The following CLPTM1 variants were observed in gnomAD, a reference collection of about 807,000 sequenced individuals.
CLPTM1 encodes putative lipid scramblase CLPTM1.
In CLPTM1, 21 loss-of-function variants were observed where a neutral mutation model predicts 77.3. That is an observed-to-expected ratio of 0.27 (90% CI 0.19 to 0.39). The LOEUF (loss-of-function observed/expected upper bound fraction) is 0.39. Among genes scored for constraint, CLPTM1 ranks in the 10% least tolerant of loss-of-function variants. CLPTM1 has a pLI of 1.00. For synonymous variants in CLPTM1, 373 were observed against 381.0 expected, an observed-to-expected ratio of 0.98 and a Z score of 0.24; for missense variants, 642 against 921.2, an observed-to-expected ratio of 0.70 and a Z score of 3.92.
intron 5 of CLPTM1, among the ~76,000 whole-genome samples, chr19:44,980,587 G>A (rs73558194): frequency 0.1 from 15,134 of 150,452 alleles, 1,331 homozygotes; most frequent in African/African-American, 0.24. Context: ...GAGCAGCTCC[G>A]TCCCATGGAG....
chr19:44,973,027 C>T (rs758318425), intron 2 of CLPTM1, 60 bp from the exon 3 acceptor site: 39 of 1,588,326 alleles, frequency 2.5e-5, no homozygotes, highest in Non-Finnish European at 3.0e-5. Flanking sequence ...GGAAGTCAGG[C>T]GGGTCTATGG....
At chr19:44,966,085 A>G (rs1334608291) in intron 2 of CLPTM1, among the ~76,000 whole-genome samples, 1 of 152,182 alleles carries the variant, frequency 6.6e-6, no homozygotes, top group Non-Finnish European at 1.5e-5. Flanking sequence ...TAGTTCAAAC[A>G]ATACGAAGAG....
Position 44,955,458 on chromosome 19 carries a change from C to T in CLPTM1, c.63C>T (p.Ser21=), listed in dbSNP as rs1970446957. 7.5e-7 allele frequency: 1 copy of T among 1,330,248 alleles called. No individual in the cohort carries two copies. The highest frequency in any genetic ancestry group is 9.6e-7 in the Non-Finnish European group (1 of 1,041,982). 82.4% of individuals were successfully genotyped at this position (1,330,248 alleles called of 1,614,324 possible). Residue 21 remains serine (S), a synonymous_variant, in exon 1 of 14, where the codon AGC becomes AGT. Coordinates refer to ENST00000337392, the MANE Select transcript of CLPTM1 (RefSeq NM_001294.4). ...RSAVVAAGGG[S]SGQVTSNGSI... is the part of the protein sequence containing the mutation. ...CCGTGGTGGCGGCCGGGGGAGGCAG[C>T]TCCGGTCAGGTACGGAGGCCGAGAG...
At chr19:44,985,394 C>A (rs779494738) in intron 6 of CLPTM1, 91 bp downstream of exon 6, 8 of 869,240 alleles carry the variant, frequency 9.2e-6, no homozygotes, top group South Asian at 2.9e-5. Context: ...CTGTCACCAC[C>A]ACTGAACCAC....
intron 1 of CLPTM1, 99 bp downstream of exon 1, chr19:44,955,566 G>A (rs1970449419): frequency 1.8e-6 from 2 of 1,141,956 alleles, no homozygotes; most frequent in South Asian, 8.2e-5. Flanking sequence ...GTGCACTGGG[G>A]GCTCCTTGGC....
At chr19:44,981,092 T>C (rs557329998) in intron 5 of CLPTM1, among the ~76,000 whole-genome samples, 49 of 152,196 alleles carry the variant, frequency 3.2e-4, no homozygotes, top group African/African-American at 1.0e-3. Flanking sequence ...CCACCCGCCT[T>C]GGCCTCCCAA....
chr19:44,977,538 C>A, intron 5 of CLPTM1, 78 bp downstream of exon 5: 1 of 1,128,356 alleles, frequency 8.9e-7, no homozygotes, highest in Non-Finnish European at 1.3e-6. Flanking sequence ...ATGTGGCGGA[C>A]AAATCCCAAG....
intron 2 of CLPTM1, among the ~76,000 whole-genome samples, chr19:44,965,507 G>A (rs1970614227): frequency 6.7e-6 from 1 of 149,626 alleles, no homozygotes; most frequent in Admixed American, 6.7e-5. Context: ...AAAAAAAAAA[G>A]AGAAAATAAA....
intron 1 of CLPTM1, among the ~76,000 whole-genome samples, chr19:44,960,372 G>C (rs1032631173): frequency 3.3e-5 from 5 of 152,126 alleles, no homozygotes; most frequent in Non-Finnish European, 7.3e-5. Flanking sequence ...CCCAGCTCTG[G>C]GTAAGCAGGG....
At chr19:44,969,367 C>T (rs1368895079) in intron 2 of CLPTM1, among the ~76,000 whole-genome samples, 2 of 152,118 alleles carry the variant, frequency 1.3e-5, no homozygotes, top group Non-Finnish European at 2.9e-5. Context: ...GGCTCATAAC[C>T]TCTTCTGCTG....
Position 44,990,245 on chromosome 19 carries a change from C to T in CLPTM1, c.1133-150C>T. ...TCACCCAATGAATATGAGAGCCTTCCTGGGAGAGAGGGGTCTCGTTCAGCA... is the reference window on the plus strand; with the variant it reads ...TCACCCAATGAATATGAGAGCCTTCTTGGGAGAGAGGGGTCTCGTTCAGCA... On this transcript the variant is annotated intron_variant, in intron 9 of 13. Coordinates refer to ENST00000337392, the MANE Select transcript of CLPTM1 (RefSeq NM_001294.4). The surrounding 1 kb of genome is among the most constrained non-coding windows in gnomAD (Gnocchi z 4.8). 1.3e-6 allele frequency: 1 copy of T among 742,780 alleles called. No homozygotes were observed. The highest frequency in any genetic ancestry group is 1.8e-5 in the South Asian group (1 of 57,082). The allele number at this position is 742,780 out of a possible 1,614,324, so 46.0% of individuals were successfully genotyped here. A position where few individuals can be genotyped will look rare whatever the true frequency, so the allele number is the denominator to read the frequency against.
At chr19:44,971,313 CAA>C (rs1460542275) in intron 2 of CLPTM1, among the ~76,000 whole-genome samples, 1 of 151,568 alleles carries the variant, frequency 6.6e-6, no homozygotes, top group African/African-American at 2.4e-5. Context: ...CTCATTCTAT[CAA>C]TATGTATAAT....
chr19:44,971,867 CTTTTT>C (rs10693027), intron 2 of CLPTM1, among the ~76,000 whole-genome samples: 6 of 83,284 alleles, frequency 7.2e-5, no homozygotes, highest in East Asian at 3.5e-4. Context: ...CCCAATTATA[CTTTTT>C]TTTTTTTTTT....
At chr19:44,987,091 C>T in intron 7 of CLPTM1, 88 bp from the exon 8 acceptor site, 1 of 1,482,096 alleles carries the variant, frequency 6.7e-7, no homozygotes, top group Non-Finnish European at 9.1e-7. Context: ...GTAGAGGGGC[C>T]CTGTTGGGTC....
chr19:44,954,986 A>G (rs1970434221), upstream of CLPTM1: 2 of 1,535,570 alleles, frequency 1.3e-6, no homozygotes, highest in African/African-American at 2.7e-5. Flanking sequence ...GAAGCCGTAC[A>G]GTGGCCGGTA....
chr19:44,957,039 C>T (rs1017610332), intron 1 of CLPTM1, among the ~76,000 whole-genome samples: 4 of 152,142 alleles, frequency 2.6e-5, no homozygotes, highest in African/African-American at 7.2e-5. Context: ...CACGCCCCTC[C>T]CCAGTTGTGA....
At position 44,964,298 on chromosome 19, in the gene CLPTM1, C is replaced by CTTTTTTTTTTT. The variant is rs35539206; in HGVS notation, c.185+2243_185+2253dup. Among the ~76,000 whole-genome samples, 169 of 68,154 alleles carry CTTTTTTTTTTT rather than the reference C, an allele frequency of 2.5e-3. 21 individuals are homozygous for CTTTTTTTTTTT. The highest frequency in any genetic ancestry group is 4.1e-3 in the South Asian group (6 of 1,478). The allele number at this position is 68,154 out of a possible 152,430, so 44.7% of individuals were successfully genotyped here. Reference sequence around the variant, plus strand: ...TTTTAACCTATGTTTTCATTTTAACCTTTTTTTTTTTTTTTTTTTTTTTTT... The same window carrying CTTTTTTTTTTT: ...TTTTAACCTATGTTTTCATTTTAACCTTTTTTTTTTTTTTTTTTTTTTTTTTTTTTTTTTTT... On this transcript the variant is annotated intron_variant, in intron 2 of 13. Transcript: ENST00000337392.
chr19:44,992,972 C>G lies in CLPTM1; in HGVS notation c.*75C>G, dbSNP rs956215488. On this transcript the variant is annotated 3_prime_UTR_variant, in exon 14 of 14. Coordinates refer to ENST00000337392, the MANE Select transcript of CLPTM1 (RefSeq NM_001294.4). The surrounding 1 kb of genome is among the most constrained non-coding windows in gnomAD (Gnocchi z 7.7). ...GTCCCGGCCCCCTCGCCTCCCCTCC[C>G]TGTCGCCCTTTCCCTGGACAGATCA... 6.6e-7 allele frequency: 1 copy of G among 1,518,572 alleles called. No individual in the cohort carries two copies. The highest frequency in any genetic ancestry group is 8.9e-7 in the Non-Finnish European group (1 of 1,120,104). 94.1% of individuals were successfully genotyped at this position (1,518,572 alleles called of 1,614,324 possible). A position where few individuals can be genotyped will look rare whatever the true frequency, so the allele number is the denominator to read the frequency against.
In CLPTM1 at chr19:44,991,393, CA is replaced by C. The variant is rs775723943; in HGVS notation, c.1555+21del. On this transcript the variant is annotated intron_variant, in intron 12 of 13. Transcript: ENST00000337392. The surrounding 1 kb of genome is among the most constrained non-coding windows in gnomAD (Gnocchi z 5.4). ...CCTTCGGTGAGCGGTCCGGCCGCCC[CA>C]GGAGAGAGCAGGCCCCATGCTGCGC... 3.3e-5 allele frequency: 53 copies of C among 1,606,296 alleles called. No individual in the cohort carries two copies. In the Middle Eastern group the frequency reaches 5.7e-4, roughly 17 times the overall value.
Sources: allele counts gnomAD v4.1 joint callset (sites outside exome capture counted in the v4.1 genomes callset), GRCh38; gene constraint gnomAD v4.1.1; non-coding constraint Gnocchi (gnomAD v3.1); transcripts MANE v1.5; gene names NCBI Gene and HGNC (gene_info 2026-07-23, HGNC 2026-07-21).